MORC3: variants seen among roughly 807,000 people sequenced by gnomAD.
MORC3 encodes the protein MORC family CW-type zinc finger 3, also known as MORC family CW-type zinc finger protein 3.
A neutral mutation model predicts 109.1 loss-of-function variants in MORC3; 31 were observed. That is an observed-to-expected ratio of 0.28 (90% CI 0.21 to 0.38). The LOEUF (loss-of-function observed/expected upper bound fraction) is 0.38. Among genes scored for constraint, MORC3 ranks in the 10% least tolerant of loss-of-function variants. MORC3 has a pLI of 1.00. For missense variants in MORC3, 867 were observed against 1,135.8 expected, an observed-to-expected ratio of 0.76 and a Z score of 3.40; for synonymous variants, 395 against 380.7, an observed-to-expected ratio of 1.04 and a Z score of -0.44.
intron 13 of MORC3, among the ~76,000 whole-genome samples, chr21:36,363,826 A>G (rs1018511536): frequency 1.3e-5 from 2 of 152,210 alleles, no homozygotes; most frequent in African/African-American, 4.8e-5. Context: ...TTTGTGGGCC[A>G]CATAAAGTCT....
intron 10 of MORC3, among the ~76,000 whole-genome samples, chr21:36,358,876 T>C (rs1173040276): frequency 6.6e-6 from 1 of 152,090 alleles, no homozygotes; most frequent in Non-Finnish European, 1.5e-5. Flanking sequence ...AGATGGGGTT[T>C]CACCGTGTTA....
chr21:36,362,325 C>G lies in MORC3; in HGVS notation c.1452+97C>G. The G allele has an allele frequency of 3.0e-6, 4 of 1,354,354 alleles. No homozygotes were observed. In the South Asian group the frequency reaches 5.3e-5, roughly 18 times the overall value. The allele number at this position is 1,354,354 out of a possible 1,614,324, so 83.9% of individuals were successfully genotyped here. ...TGGGAGGCCGAGGCAGGTGGATCAC[C>G]TGAGGTCAGGAGTTCAAGACCAGCC... On this transcript the variant is annotated intron_variant, in intron 13 of 16. Transcript: ENST00000400485.
intron 1 of MORC3, among the ~76,000 whole-genome samples, chr21:36,322,199 C>A (rs1034712421): frequency 6.6e-6 from 1 of 151,920 alleles, no homozygotes; most frequent in Non-Finnish European, 1.5e-5. Context: ...AAAAATTATG[C>A]GAAATACAAA....
At chr21:36,372,295 C>G (rs2085878769) in intron 15 of MORC3, 79 bp from the exon 16 acceptor site, 1 of 1,287,056 alleles carries the variant, frequency 7.8e-7, no homozygotes, top group Non-Finnish European at 1.0e-6. Flanking sequence ...AGCAGGTTCT[C>G]TATATTAGCT....
At chr21:36,332,034 G>T (rs1377502162) in intron 1 of MORC3, among the ~76,000 whole-genome samples, 1 of 152,010 alleles carries the variant, frequency 6.6e-6, no homozygotes, top group Admixed American at 6.6e-5. Flanking sequence ...CCAGCTACTC[G>T]GGAGGCTGAG....
intron 9 of MORC3, 128 bp from the exon 10 acceptor site, chr21:36,356,492 G>A (rs186989834): frequency 4.3e-6 from 2 of 465,006 alleles, no homozygotes; most frequent in African/African-American, 4.1e-5. Flanking sequence ...CCTATACCTT[G>A]AATGTTCTTT....
At chr21:36,337,098 G>T (rs2085382661) in intron 3 of MORC3, 92 bp downstream of exon 3, 1 of 1,420,012 alleles carries the variant, frequency 7.0e-7, no homozygotes, top group Non-Finnish European at 9.6e-7. Flanking sequence ...TTTGTTTTTT[G>T]AAATGAAATG....
At chr21:36,330,741 T>C (rs2085305778) in intron 1 of MORC3, among the ~76,000 whole-genome samples, 1 of 152,196 alleles carries the variant, frequency 6.6e-6, no homozygotes, top group Non-Finnish European at 1.5e-5. Context: ...GAGTGTATCA[T>C]TCTTTTATCA....
At position 36,322,551 on chromosome 21, in the gene MORC3, T is replaced by G. The variant is rs191309202; in HGVS notation, c.39+2248T>G. Reference sequence around the variant, plus strand: ...CACACCCGGCTAATTTTGGTATTTTTAGTATATATAGAGTTTCACCATGTT... The same window carrying G: ...CACACCCGGCTAATTTTGGTATTTTGAGTATATATAGAGTTTCACCATGTT... On this transcript the variant is annotated intron_variant, in intron 1 of 16. Coordinates refer to ENST00000400485, the MANE Select transcript of MORC3 (RefSeq NM_015358.3). 1.2e-3 allele frequency among the ~76,000 whole-genome samples: 184 copies of G among 152,178 alleles called. 2 individuals carry two copies. The highest frequency in any genetic ancestry group is 5.3e-4 in the Non-Finnish European group (36 of 67,998).
At chr21:36,354,790 C>T (rs1338261769) in intron 9 of MORC3, among the ~76,000 whole-genome samples, 3 of 152,232 alleles carry the variant, frequency 2.0e-5, no homozygotes, top group Non-Finnish European at 4.4e-5. Context: ...CTTCTTCTGT[C>T]TTCTTCCTCA....
At chr21:36,360,524 G>T in intron 12 of MORC3, 1 of 360,584 alleles carries the variant, frequency 2.8e-6, no homozygotes. Flanking sequence ...GGAATCATTA[G>T]TGAATACCCC....
At chr21:36,356,790 G>C (rs2835339) in intron 10 of MORC3, 66 bp downstream of exon 10, 623,224 of 992,234 alleles carry the variant, frequency 0.63, 202,829 homozygotes, top group East Asian at 1. Context: ...AGAGTAAAGG[G>C]ATTGTACAAT....
At chr21:36,363,216 C>G (rs1486450701) in intron 13 of MORC3, among the ~76,000 whole-genome samples, 2 of 152,004 alleles carry the variant, frequency 1.3e-5, no homozygotes, top group Non-Finnish European at 2.9e-5. Context: ...GCCAGGAGTT[C>G]GAGACCAGCC....
At chr21:36,329,169 C>A (rs1191445404) in intron 1 of MORC3, among the ~76,000 whole-genome samples, 1 of 152,056 alleles carries the variant, frequency 6.6e-6, no homozygotes, top group Non-Finnish European at 1.5e-5. Context: ...GTGGCAGTTG[C>A]CTGTAATCTC....
intron 4 of MORC3, among the ~76,000 whole-genome samples, chr21:36,338,367 C>A (rs2085396621): frequency 2.0e-5 from 3 of 151,992 alleles, no homozygotes; most frequent in African/African-American, 7.2e-5. Context: ...TCTTCTTGTT[C>A]ATTTGAAATC....
chr21:36,340,915 G>A (rs1315212016), intron 5 of MORC3, among the ~76,000 whole-genome samples: 2 of 152,160 alleles, frequency 1.3e-5, no homozygotes. Context: ...AGGATTACAG[G>A]CGTGAGCCAC....
intron 14 of MORC3, among the ~76,000 whole-genome samples, chr21:36,364,552 C>T (rs769981241): frequency 1.4e-4 from 21 of 151,448 alleles, no homozygotes; most frequent in Non-Finnish European, 2.7e-4. Flanking sequence ...GGCGTGGTGG[C>T]GGGCACCTGT....
intron 13 of MORC3, 82 bp from the exon 14 acceptor site, chr21:36,364,011 G>A: frequency 8.5e-6 from 12 of 1,407,772 alleles, no homozygotes; most frequent in Non-Finnish European, 1.2e-5. Context: ...GGATAAGGGG[G>A]AAGAGGAAGA....
chr21:36,320,233 G>A lies in MORC3; in HGVS notation c.-32G>A, dbSNP rs1306446247. On this transcript the variant is annotated 5_prime_UTR_variant, in exon 1 of 17. Transcript: ENST00000400485. ...GCCACCTCCCAGTCGGGTTGCGGCG[G>A]AGGCCGTTCCTGGCTTTGTAGCTCG... 5.7e-6 allele frequency: 9 copies of A among 1,573,490 alleles called. No individual in the cohort carries two copies. The South Asian group carries it at 1.0e-4, about 18-fold the overall frequency.
Sources: gnomAD v4.1 joint callset for allele counts (sites outside exome capture counted in the v4.1 genomes callset) on GRCh38, gnomAD v4.1.1 for gene constraint, MANE v1.5 for transcripts, NCBI Gene and HGNC (gene_info 2026-07-23, HGNC 2026-07-21) for gene names.